ABCC5: variants seen among roughly 807,000 people sequenced by gnomAD.
The protein encoded by ABCC5 is ATP-binding cassette sub-family C member 5.
In ABCC5, 61 loss-of-function variants were observed where a neutral mutation model predicts 160.9. The ratio of observed to expected loss-of-function variants is 0.38; its 90% CI spans 0.31 to 0.47. ABCC5 has a LOEUF of 0.47. ABCC5 is among the 20% of genes least tolerant of loss of function. The pLI, the probability that ABCC5 is intolerant of heterozygous loss-of-function variation, is 0.99. For synonymous variants in ABCC5, 666 were observed against 700.6 expected (o/e 0.95, Z 0.78); for missense variants, 1,308 against 1,813.3 (o/e 0.72, Z 5.06).
intron 25 of ABCC5, among the ~76,000 whole-genome samples, chr3:183,941,454 G>A (rs982422631): frequency 6.6e-6 from 1 of 151,952 alleles, no homozygotes; most frequent in Non-Finnish European, 1.5e-5. Flanking sequence ...CAGAAAGCAG[G>A]AAATGGCTTT....
intron 17 of ABCC5, among the ~76,000 whole-genome samples, chr3:183,957,200 GCT>G (rs1362035337): frequency 1.7e-5 from 2 of 119,330 alleles, no homozygotes; most frequent in African/African-American, 3.0e-5. Context: ...TCGGTTACAT[GCT>G]TATCCGTGTG....
Position 183,978,569 on chromosome 3 carries a change from C to G in ABCC5, c.1230G>C (p.Val410=), listed in dbSNP as rs770845080. The change falls in exon 9 of 30, where the codon GTG becomes GTC. Residue 410 remains valine (V), a synonymous_variant. Coordinates refer to ENST00000334444, the MANE Select transcript of ABCC5 (RefSeq NM_005688.4). ...AGAAGGTCACCACGCTGGCAATCAC[C>G]ACCACAATGGGAGCCACACCCACAG... ...SITVGVAPIV[V]VIASVVTFSV... is the part of the protein sequence containing the mutation. 6.2e-7 allele frequency: 1 copy of G among 1,614,200 alleles called. No individual in the cohort carries two copies. The highest frequency in any genetic ancestry group is 2.2e-5 in the East Asian group (1 of 44,878).
chr3:183,985,051 A>G (rs1719084463), intron 5 of ABCC5: 1 of 698,420 alleles, frequency 1.4e-6, no homozygotes, highest in African/African-American at 1.8e-5. Context: ...AAACTTTCAA[A>G]GGGGGGGAAA....
chr3:183,923,577 T>A (rs1011709601), intron 29 of ABCC5, among the ~76,000 whole-genome samples: 3 of 152,076 alleles, frequency 2.0e-5, no homozygotes, highest in Admixed American at 1.3e-4. Context: ...GAGCCAAGAT[T>A]GCACCACTGT....
intron 28 of ABCC5, 45 bp from the exon 29 acceptor site, chr3:183,925,764 A>G (rs1426177001): frequency 6.3e-7 from 1 of 1,587,872 alleles, no homozygotes; most frequent in South Asian, 1.1e-5. Flanking sequence ...AAATTCCTTT[A>G]GCATTCTGGT....
At chr3:183,981,966 A>G (rs1354765351) in intron 7 of ABCC5, 92 bp from the exon 8 acceptor site, 1 of 1,429,160 alleles carries the variant, frequency 7.0e-7, no homozygotes. Context: ...TAAAATGAGC[A>G]TATAATCCTG....
chr3:183,937,874 G>A (rs758879477), intron 26 of ABCC5, 27 bp downstream of exon 26: 8 of 1,611,682 alleles, frequency 5.0e-6, no homozygotes, highest in African/African-American at 1.3e-5. Context: ...AGTGACGCAC[G>A]AGACATGCAG....
chr3:183,985,563 A>G (rs1052873807), intron 5 of ABCC5: 3 of 719,416 alleles, frequency 4.2e-6, no homozygotes, highest in Non-Finnish European at 7.6e-6. Context: ...ACCAAGAGAG[A>G]GCACTGCAGG....
chr3:183,968,257 G>C (rs1183556649), intron 11 of ABCC5, among the ~76,000 whole-genome samples: 1 of 152,040 alleles, frequency 6.6e-6, no homozygotes, highest in East Asian at 1.9e-4. Flanking sequence ...TTACAGGCAT[G>C]CACCACTACA....
intron 25 of ABCC5, 113 bp from the exon 26 acceptor site, chr3:183,938,173 T>A: frequency 9.8e-7 from 1 of 1,024,766 alleles, no homozygotes; most frequent in African/African-American, 1.6e-5. Context: ...TCAGTTGTTA[T>A]TTCAACTGAT....
intron 2 of ABCC5, among the ~76,000 whole-genome samples, chr3:184,007,040 TG>T (rs1254619259): frequency 2.1e-5 from 3 of 145,980 alleles, no homozygotes; most frequent in African/African-American, 7.7e-5. Flanking sequence ...TTTTTTTTTT[TG>T]AGACAGAGTC....
intron 2 of ABCC5, among the ~76,000 whole-genome samples, chr3:183,999,513 C>A (rs1720570202): frequency 1.3e-5 from 2 of 152,142 alleles, no homozygotes; most frequent in Non-Finnish European, 2.9e-5. Flanking sequence ...GGTGCACTGG[C>A]TCACACCTGT....
At chr3:183,938,462 A>C (rs959843643) in intron 25 of ABCC5, among the ~76,000 whole-genome samples, 3 of 151,962 alleles carry the variant, frequency 2.0e-5, no homozygotes, top group Admixed American at 6.6e-5. Flanking sequence ...CCATGCCCAG[A>C]TAATTTTTGT....
At chr3:183,994,855 GTT>G (rs71632005) in intron 2 of ABCC5, among the ~76,000 whole-genome samples, 34 of 109,652 alleles carry the variant, frequency 3.1e-4, no homozygotes, top group Non-Finnish European at 2.8e-4. Flanking sequence ...CATTTTCTAT[GTT>G]TTTTTTTTTT....
rs1713915171 is a variant in ABCC5, at chr3:183,938,030, CG to C, written c.3724del (p.Arg1242ValfsTer15). 3 of 1,614,026 alleles carry C rather than the reference CG, an allele frequency of 1.9e-6. No individual in the cohort carries two copies. Among genetic ancestry groups the C allele is most frequent in the African/African-American group, 1.3e-5 (1 of 74,934 alleles). Reference protein sequence around the residue: ...GKSSLGMALFRLVELSGGCIK... With the variant: ...GKSSLGMALFXLVELSGGCIK... ...GCAGCCTCCAGATAACTCCACCAGA[CG>C]GAAGAGGGCCATCCCCAGCGAGGAC... is the stretch of plus-strand genomic sequence containing the variant. On this transcript the variant is annotated frameshift_variant, in exon 26 of 30. Transcript: ENST00000334444. LOFTEE classifies it high-confidence loss of function.
intron 5 of ABCC5, chr3:183,984,886 A>C: frequency 6.3e-7 from 1 of 1,575,990 alleles, no homozygotes; most frequent in South Asian, 1.1e-5. Flanking sequence ...AGCAGTCTCC[A>C]AAGGAAGGCT....
intron 26 of ABCC5, among the ~76,000 whole-genome samples, chr3:183,932,931 G>A (rs112855478): frequency 5.3e-5 from 8 of 152,102 alleles, no homozygotes; most frequent in African/African-American, 1.2e-4. Context: ...TTGGAAGGCC[G>A]AGGTGGGCAG....
intron 2 of ABCC5, among the ~76,000 whole-genome samples, chr3:184,004,140 T>C (rs1476954480): frequency 4.0e-5 from 6 of 151,746 alleles, no homozygotes; most frequent in Non-Finnish European, 8.8e-5. Context: ...TGAAAACCAC[T>C]GATTTAGAGA....
chr3:184,016,156 G>A (rs1324033054), intron 1 of ABCC5, among the ~76,000 whole-genome samples: 1 of 152,186 alleles, frequency 6.6e-6, no homozygotes, highest in Non-Finnish European at 1.5e-5. Context: ...AGCAGAGAGA[G>A]GCAGGGACAA....
Sources: gnomAD v4.1 joint callset for allele counts (sites outside exome capture counted in the v4.1 genomes callset) on GRCh38, gnomAD v4.1.1 for gene constraint, MANE v1.5 for transcripts, NCBI Gene and HGNC (gene_info 2026-07-23, HGNC 2026-07-21) for gene names.